The following NID2 variants were observed in gnomAD, a reference collection of about 807,000 sequenced individuals.
The protein encoded by NID2 is nidogen-2.
In NID2, 83 loss-of-function variants were observed where a neutral mutation model predicts 145.4. The ratio of observed to expected loss-of-function variants is 0.57; its 90% confidence interval spans 0.48 to 0.69. NID2 has a LOEUF of 0.69. NID2 is among the 30% of genes least tolerant of loss of function. NID2 has a pLI of 0.00. For missense variants in NID2, 1,807 were observed against 1,765.7 expected (o/e 1.02, Z -0.42); for synonymous variants, 739 against 701.3 (o/e 1.05, Z -0.85).
In NID2 at chr14:52,008,674, C is replaced by T. The variant is rs1890888556; in HGVS notation, c.3723-707G>A. On this transcript the variant is annotated intron_variant, in intron 18 of 21. Transcript: ENST00000216286. ...ACCCCTTGACTCAACTGCCCCAAAA[C>T]CCTCCGTTTGTTGAAGTCTTGAATT... 3 of 152,170 alleles carry T rather than the reference C, an allele frequency of 2.0e-5. No individual in the cohort carries two copies. In the South Asian group the frequency reaches 6.2e-4, roughly 31 times the overall value. The allele number at this position is 152,170 out of a possible 1,614,324, so 9.4% of individuals were successfully genotyped here. A position where few individuals can be genotyped will look rare whatever the true frequency, so the allele number is the denominator to read the frequency against.
chr14:52,004,963 T>C lies in NID2; in HGVS notation c.*523A>G, dbSNP rs951674518. On this transcript the variant is annotated 3_prime_UTR_variant, in exon 22 of 22. Coordinates refer to ENST00000216286, the MANE Select transcript of NID2 (RefSeq NM_007361.4). ...ATTGAATCATTTTAGCACCTTTTGA[T>C]ATAAATAGAAATGCACTGATGCAGA... 8.2e-5 allele frequency: 13 copies of C among 157,650 alleles called. No homozygotes were observed. The highest frequency in any genetic ancestry group is 1.8e-4 in the Non-Finnish European group (13 of 71,762). 9.8% of individuals were successfully genotyped at this position (157,650 alleles called of 1,614,324 possible).
At chr14:52,011,903 T>C in intron 16 of NID2, 2 of 515,836 alleles carry the variant, frequency 3.9e-6, no homozygotes, top group South Asian at 2.4e-5. Context: ...TGCGTTTGTC[T>C]CATTTGCAAA....
rs142298823 is a variant in NID2, at chr14:52,027,243, C to T, written c.2632G>A (p.Ala878Thr). 454 of 1,583,318 alleles carry T rather than the reference C, an allele frequency of 2.9e-4. 1 individual carries two copies. The African/African-American group carries it at 5.3e-3, about 18-fold the overall frequency. The part of the protein sequence containing the change: ...VHHGGSTFSC[A>T]CLPGYAGDGH... ...TCGCCGGCATAACCAGGCAGGCAGG[C>T]ACAGCTGAACGTGCTGCCTCCATGG... Residue 878 changes from alanine to threonine, a missense_variant, in exon 12 of 22, where the codon GCC (alanine) becomes ACC (threonine). Coordinates refer to ENST00000216286, the MANE Select transcript of NID2 (RefSeq NM_007361.4).
chr14:52,042,709 G>C (rs1892328363), intron 6 of NID2, 73 bp downstream of exon 6: 1 of 1,484,842 alleles, frequency 6.7e-7, no homozygotes, highest in African/African-American at 1.4e-5. Flanking sequence ...ATAAAGCAGA[G>C]CTCACAGTGG....
At chr14:52,036,324 T>A (rs933816188) in intron 9 of NID2, among the ~76,000 whole-genome samples, 2 of 152,192 alleles carry the variant, frequency 1.3e-5, no homozygotes, top group South Asian at 4.1e-4. Flanking sequence ...AGTTCATCCA[T>A]GTTGCAGCAT....
Position 52,068,916 on chromosome 14 carries a change from G to T in NID2, c.79C>A (p.Arg27=), listed in dbSNP as rs1893323606. The T allele has an allele frequency of 9.9e-6, 16 of 1,613,810 alleles. No individual in the cohort carries two copies. In the East Asian group the frequency reaches 2.9e-4, roughly 29 times the overall value. The change falls in exon 1 of 22, where the codon CGG becomes AGG. Residue 27 remains arginine, a synonymous_variant. Transcript: ENST00000216286. Reference sequence around the variant, plus strand: ...TCGTCTGGGTGCAGCGCCGCGGCCCGCAACATTAGCAACGGCAGCAGCAGT... The same window carrying T: ...TCGTCTGGGTGCAGCGCCGCGGCCCTCAACATTAGCAACGGCAGCAGCAGT... ...VLLLLPLLML[R]AAALHPDELF...
intron 9 of NID2, among the ~76,000 whole-genome samples, chr14:52,033,276 C>T (rs1049020250): frequency 6.6e-6 from 1 of 152,074 alleles, no homozygotes; most frequent in African/African-American, 2.4e-5. Context: ...CTTAAAGGAA[C>T]AGTCCCTTCA....
In NID2 at chr14:52,040,250, G is replaced by A. The variant is rs1272220335; in HGVS notation, c.2026+401C>T. Among the ~76,000 whole-genome samples the A allele has an allele frequency of 3.1e-5, 4 of 129,822 alleles. No homozygotes were observed. The Admixed American group carries it at 3.5e-4, about 11-fold the overall frequency. 85.2% of individuals were successfully genotyped at this position (129,822 alleles called of 152,430 possible). A position where few individuals can be genotyped will look rare whatever the true frequency, so the allele number is the denominator to read the frequency against. ...GCCATTGCACCTGGCCTCTTTCTGT[G>A]ATTTTTTTTTTTTTTAAAGCAGCCT... On this transcript the variant is annotated intron_variant, in intron 8 of 21. Coordinates refer to ENST00000216286, the MANE Select transcript of NID2 (RefSeq NM_007361.4).
At chr14:52,035,674 G>A (rs1318133753) in intron 9 of NID2, among the ~76,000 whole-genome samples, 1 of 150,970 alleles carries the variant, frequency 6.6e-6, no homozygotes, top group African/African-American at 2.4e-5. Flanking sequence ...ACTACTATTT[G>A]CTTCCATTTA....
rs1402129244 is a variant in NID2, at chr14:52,054,617, A to G, written c.768-296T>C. On this transcript the variant is annotated intron_variant, in intron 3 of 21. Coordinates refer to ENST00000216286, the MANE Select transcript of NID2 (RefSeq NM_007361.4). ...TAGCTACTCAGTAGGCTGAGGCAGGAGGGTCACTTGAGCCCAGCAGTTCCA... is the reference window on the plus strand; with the variant it reads ...TAGCTACTCAGTAGGCTGAGGCAGGGGGGTCACTTGAGCCCAGCAGTTCCA... 4.6e-5 allele frequency among the ~76,000 whole-genome samples: 7 copies of G among 152,292 alleles called. No homozygotes were observed. The East Asian group carries it at 1.2e-3, about 25-fold the overall frequency.
chr14:52,024,482 G>C (rs1398571345), intron 12 of NID2, among the ~76,000 whole-genome samples: 1 of 152,158 alleles, frequency 6.6e-6, no homozygotes, highest in Non-Finnish European at 1.5e-5. Context: ...TCTTTCCCCA[G>C]TTAAGCCTTC....
intron 3 of NID2, among the ~76,000 whole-genome samples, chr14:52,055,917 A>G (rs1466660045): frequency 7.6e-6 from 1 of 131,218 alleles, no homozygotes; most frequent in Non-Finnish European, 1.6e-5. Flanking sequence ...GTACAATTTG[A>G]AAATGTCTTT....
intron 18 of NID2, chr14:52,009,766 C>CAG (rs1281588050): frequency 6.6e-6 from 1 of 152,232 alleles, no homozygotes. Context: ...GAGGCCAAGG[C>CAG]AGGTGGATCA....
At position 52,053,812 on chromosome 14, in the gene NID2, A is replaced by C; in HGVS notation, c.1196T>G (p.Val399Gly). ...GGAAGGAGCCAGTGAATCTCTGTCT[A>C]CCTCTGGTGGAGCTGGGCTTCTGGT... is the stretch of plus-strand genomic sequence containing the variant. ...RETRSPAPPE[V>G]DRDSLAPSWE... The change falls in exon 5 of 22, where the codon GTA becomes GGA. Residue 399 changes from valine (V) to glycine (G), a missense_variant. By Grantham distance (109) the Val-to-Gly change is moderately radical. Coordinates refer to ENST00000216286, the MANE Select transcript of NID2 (RefSeq NM_007361.4). 6.2e-7 allele frequency: 1 copy of C among 1,613,976 alleles called. No individual in the cohort carries two copies. The highest frequency in any genetic ancestry group is 1.1e-5 in the South Asian group (1 of 91,072).
chr14:52,005,822 ATGTT>A lies in NID2; in HGVS notation c.4028_4031del (p.Lys1343IlefsTer20), dbSNP rs777565899. The A allele has an allele frequency of 1.9e-6, 3 of 1,613,234 alleles. No homozygotes were observed. In the African/African-American group the frequency reaches 4.0e-5, roughly 22 times the overall value. On this transcript the variant is annotated frameshift_variant, in exon 21 of 22. Coordinates refer to ENST00000216286, the MANE Select transcript of NID2 (RefSeq NM_007361.4). LOFTEE classifies it high-confidence loss of function. ...GATACTCATCAGTAAACTGGCCACT[ATGTT>A]TATTTACTGATACAACACCATCCCT... is the stretch of plus-strand genomic sequence containing the variant.
chr14:52,016,970 A>C (rs925312785), intron 14 of NID2, among the ~76,000 whole-genome samples: 4 of 152,362 alleles, frequency 2.6e-5, no homozygotes, highest in African/African-American at 9.6e-5. Flanking sequence ...ACTGTAGCTC[A>C]TGACCCATGG....
chr14:52,061,886 TAGTA>T (rs1249728527), intron 2 of NID2, among the ~76,000 whole-genome samples: 8 of 152,226 alleles, frequency 5.3e-5, no homozygotes, highest in African/African-American at 1.9e-4. Context: ...TTTTACAATT[TAGTA>T]AGGAACTGGG....
chr14:52,011,040 T>C lies in NID2; in HGVS notation c.3558A>G (p.Ile1186Met), dbSNP rs760934776. The change falls in exon 18 of 22, where the codon ATA (isoleucine) becomes ATG (methionine). Residue 1186 changes from isoleucine to methionine, a missense_variant. Ile to Met is a conservative substitution (Grantham distance 10, BLOSUM62 1). Transcript: ENST00000216286. ...GGTCTATGGCAAGTCCTTCAGGGCTTATCAGACCTGGAAATAAAGCAAAGT... is the reference window on the plus strand; with the variant it reads ...GGTCTATGGCAAGTCCTTCAGGGCTCATCAGACCTGGAAATAAAGCAAAGT... ...EPETIVNSGL[I>M]SPEGLAIDHI... is the part of the protein sequence containing the mutation. 6.2e-7 allele frequency: 1 copy of C among 1,613,308 alleles called. No individual in the cohort carries two copies.
At position 52,027,308 on chromosome 14, in the gene NID2, C is replaced by T. The variant is rs1213405181; in HGVS notation, c.2567G>A (p.Ser856Asn). 1 of 1,590,762 alleles carries T rather than the reference C, an allele frequency of 6.3e-7. No individual in the cohort carries two copies. Among genetic ancestry groups the T allele is most frequent in the Admixed American group, 1.8e-5 (1 of 56,454 alleles). Reference protein sequence around the residue: ...TPPANPCEDGSHTCAPAGQAR... With the variant: ...TPPANPCEDGNHTCAPAGQAR... ...CTGCCCAGCAGGAGCACAGGTATGACTGCCATCCTCACAGGGGTTGGCAGG... is the reference window on the plus strand; with the variant it reads ...CTGCCCAGCAGGAGCACAGGTATGATTGCCATCCTCACAGGGGTTGGCAGG... The change falls in exon 12 of 22, where the codon AGT becomes AAT. Residue 856 changes from serine (S) to asparagine (N), a missense_variant. Transcript: ENST00000216286.
Sources: allele counts gnomAD v4.1 joint callset (sites outside exome capture counted in the v4.1 genomes callset), GRCh38; gene constraint gnomAD v4.1.1; transcripts MANE v1.5; gene names NCBI Gene and HGNC (gene_info 2026-07-23, HGNC 2026-07-21).